The following TULP4 variants were observed in gnomAD, a reference collection of about 807,000 sequenced individuals.
TULP4 encodes TUB like protein 4.
In TULP4, 16 loss-of-function variants were observed where a neutral mutation model predicts 129.0. The observed-to-expected ratio is 0.12, with a 90% CI of 0.08 to 0.19. The LOEUF is 0.19. Among genes scored for constraint, TULP4 ranks in the 10% least tolerant of loss-of-function variants. The pLI is 1.00. For missense variants in TULP4, 1,842 were observed against 2,059.1 expected, an observed-to-expected ratio of 0.89 and a Z score of 2.04; for synonymous variants, 998 against 854.0, an observed-to-expected ratio of 1.17 and a Z score of -2.94.
rs1377926300 is a variant in TULP4, at chr6:158,388,316, G to GTTTTTTT, written c.253-24744_253-24743insTTTTTTT. On this transcript the variant is annotated intron_variant, in intron 1 of 13. Coordinates refer to ENST00000367097, the MANE Select transcript of TULP4 (RefSeq NM_020245.5). ...TTGTTTAAAGAAAAATAATCTGCTC[G>GTTTTTTT]TTTTTCTTTTTTTTTTTTTTTTTTT... Among the ~76,000 whole-genome samples, 129 of 92,790 alleles carry GTTTTTTT rather than the reference G, an allele frequency of 1.4e-3. 6 individuals are homozygous for GTTTTTTT. The highest frequency in any genetic ancestry group is 7.2e-3 in the Middle Eastern group (1 of 138). The allele number at this position is 92,790 out of a possible 152,430, so 60.9% of individuals were successfully genotyped here. A position where few individuals can be genotyped will look rare whatever the true frequency, so the allele number is the denominator to read the frequency against.
chr6:158,274,669 C>T (rs1278011804), intron 1 of TULP4, among the ~76,000 whole-genome samples: 7 of 151,892 alleles, frequency 4.6e-5, no homozygotes, highest in Non-Finnish European at 7.4e-5. Flanking sequence ...CCCAGCTACT[C>T]GGGAGGCTGA....
intron 1 of TULP4, among the ~76,000 whole-genome samples, chr6:158,259,123 G>C (rs2885654): frequency 0.33 from 50,053 of 151,896 alleles, 9,150 homozygotes; most frequent in Admixed American, 0.45. Flanking sequence ...CCAGCTACTC[G>C]AGAGGCTGAG....
At chr6:158,497,621 A>G (rs916375920) in intron 11 of TULP4, among the ~76,000 whole-genome samples, 7 of 152,230 alleles carry the variant, frequency 4.6e-5, no homozygotes, top group Non-Finnish European at 8.8e-5. Context: ...ACACTTTAAT[A>G]CATTCATTCT....
chr6:158,300,402 TG>T (rs1030746336), intron 1 of TULP4, among the ~76,000 whole-genome samples: 3 of 152,206 alleles, frequency 2.0e-5, no homozygotes, highest in African/African-American at 7.2e-5. Flanking sequence ...TAAATGTAAC[TG>T]GGAGTGGGGA....
chr6:158,365,031 A>G (rs827997), intron 1 of TULP4, among the ~76,000 whole-genome samples: 140,003 of 151,898 alleles, frequency 0.92, 64,549 homozygotes, highest in Admixed American at 0.94. Flanking sequence ...CACCGCGCCC[A>G]GCCCCTAGAT....
intron 1 of TULP4, among the ~76,000 whole-genome samples, chr6:158,292,146 T>C (rs931664188): frequency 6.6e-6 from 1 of 152,222 alleles, no homozygotes; most frequent in Non-Finnish European, 1.5e-5. Flanking sequence ...GATGTTAGAA[T>C]TGTGGGACAC....
At position 158,493,707 on chromosome 6, in the gene TULP4, A is replaced by G; in HGVS notation, c.1766A>G (p.Asp589Gly). 1 of 1,571,704 alleles carries G rather than the reference A, an allele frequency of 6.4e-7. No individual in the cohort carries two copies. The highest frequency in any genetic ancestry group is 8.6e-7 in the Non-Finnish European group (1 of 1,159,874). ...ACTCGGAGAGAGTTTCCTTTTGAAG[A>G]CATCACTCAGGTAGGAGCCCCCAGT... ...SLTRREFPFE[D>G]ITQHNYLAQV... The change falls in exon 10 of 14, where the codon GAC becomes GGC. Residue 589 changes from aspartate to glycine, a missense_variant. Asp to Gly is a moderately conservative substitution (Grantham distance 94, BLOSUM62 -1). Coordinates refer to ENST00000367097, the MANE Select transcript of TULP4 (RefSeq NM_020245.5). This position sits in a 1 kb window ranked among gnomAD's most constrained non-coding sequence, Gnocchi z 4.4.
chr6:158,328,920 G>C (rs545874303), intron 1 of TULP4, among the ~76,000 whole-genome samples: 2 of 152,324 alleles, frequency 1.3e-5, no homozygotes, highest in East Asian at 3.9e-4. Context: ...GCACTGGGCA[G>C]TGGGTATCGT....
chr6:158,452,406 C>G, intron 5 of TULP4, 138 bp downstream of exon 5: 1 of 1,090,628 alleles, frequency 9.2e-7, no homozygotes, highest in Non-Finnish European at 1.3e-6. Context: ...AGTCTGTTAA[C>G]TAAAGCCACT....
chr6:158,444,050 T>A (rs1290939130), intron 3 of TULP4, among the ~76,000 whole-genome samples: 1 of 150,740 alleles, frequency 6.6e-6, no homozygotes, highest in Non-Finnish European at 1.5e-5. Flanking sequence ...AAACCCCGTC[T>A]CTACTAAAAA....
Position 158,503,970 on chromosome 6 carries a change from C to T in TULP4, c.4307C>T (p.Pro1436Leu), listed in dbSNP as rs774255031. 1.9e-6 allele frequency: 3 copies of T among 1,613,092 alleles called. No individual in the cohort carries two copies. Among genetic ancestry groups the T allele is most frequent in the Non-Finnish European group, 2.5e-6 (3 of 1,179,588 alleles). Residue 1436 changes from proline (P) to leucine (L), a missense_variant, in exon 13 of 14, where the codon CCA becomes CTA. By Grantham distance (98) the Pro-to-Leu change is moderately conservative. This residue lies in a region of TULP4 where 1,089 missense variants were observed against 987.1 expected (regional missense o/e 1.10). Coordinates refer to ENST00000367097, the MANE Select transcript of TULP4 (RefSeq NM_020245.5). The surrounding 1 kb of genome is among the most constrained non-coding windows in gnomAD (Gnocchi z 4.3). ...SRKGWKSKRSPRAAGELEEAK... is the reference protein window; with the variant it reads ...SRKGWKSKRSLRAAGELEEAK... ...AAGGGCTGGAAAAGCAAGCGCTCCC[C>T]ACGGGCCGCCGGCGAGCTGGAGGAG...
At chr6:158,468,615 A>G (rs899451685) in intron 6 of TULP4, among the ~76,000 whole-genome samples, 2 of 152,262 alleles carry the variant, frequency 1.3e-5, no homozygotes, top group African/African-American at 4.8e-5. Flanking sequence ...TAGTTTATGT[A>G]AGGGACAACA....
At chr6:158,326,549 A>G (rs895963068) in intron 1 of TULP4, among the ~76,000 whole-genome samples, 1 of 152,208 alleles carries the variant, frequency 6.6e-6, no homozygotes, top group African/African-American at 2.4e-5. Flanking sequence ...CATAATCTCC[A>G]GTATCTTCCT....
At chr6:158,454,556 C>CT (rs1256420268) in intron 5 of TULP4, among the ~76,000 whole-genome samples, 1 of 150,858 alleles carries the variant, frequency 6.6e-6, no homozygotes, top group Non-Finnish European at 1.5e-5. Flanking sequence ...CTTATGGAAA[C>CT]TTTATTTTTT....
At chr6:158,420,775 C>T (rs980544973) in intron 2 of TULP4, among the ~76,000 whole-genome samples, 1 of 150,418 alleles carries the variant, frequency 6.6e-6, no homozygotes, top group Non-Finnish European at 1.5e-5. Flanking sequence ...TGAGCCACCT[C>T]GCCCGGCCTA....
intron 1 of TULP4, chr6:158,242,168 C>T: frequency 1.7e-6 from 2 of 1,144,678 alleles, no homozygotes; most frequent in South Asian, 1.3e-5. Flanking sequence ...GCCTGTGGGT[C>T]TTCCTCAGTC....
rs1432417524 is a variant in TULP4, at chr6:158,313,213, C to T, written c.-804C>T. ...GGGGCCTTCTTTCTAGCCTCTATGG[C>T]ACTGAGGGGTGCGCCGGCTGGTGGA... On this transcript the variant is annotated 5_prime_UTR_variant, in exon 1 of 14. Transcript: ENST00000367097. 6.0e-6 allele frequency: 2 copies of T among 331,120 alleles called. No individual in the cohort carries two copies. Among genetic ancestry groups the T allele is most frequent in the African/African-American group, 2.1e-5 (1 of 47,402 alleles). 20.5% of individuals were successfully genotyped at this position (331,120 alleles called of 1,614,324 possible).
intron 6 of TULP4, among the ~76,000 whole-genome samples, chr6:158,467,277 CT>C (rs59276592): frequency 6.5e-4 from 91 of 140,934 alleles, no homozygotes; most frequent in African/African-American, 8.5e-4. Flanking sequence ...CTTTCCCTTT[CT>C]TTTTTTTTTT....
At chr6:158,346,307 G>A (rs1039353648) in intron 1 of TULP4, among the ~76,000 whole-genome samples, 7 of 152,172 alleles carry the variant, frequency 4.6e-5, no homozygotes, top group Non-Finnish European at 8.8e-5. Flanking sequence ...GTATTATTTG[G>A]GAAGTGATAA....
Sources: allele counts gnomAD v4.1 joint callset (sites outside exome capture counted in the v4.1 genomes callset), GRCh38; gene constraint gnomAD v4.1.1; regional missense constraint gnomAD v4.1.1; non-coding constraint Gnocchi (gnomAD v3.1); transcripts MANE v1.5; gene names NCBI Gene and HGNC (gene_info 2026-07-23, HGNC 2026-07-21).